TBL1X: variants seen among roughly 807,000 people sequenced by gnomAD.
The protein encoded by TBL1X is F-box-like/WD repeat-containing protein TBL1X.
Under a neutral mutation model 50.7 loss-of-function variants are expected in TBL1X, and 10 were observed. That is an observed-to-expected ratio of 0.20 (90% CI 0.12 to 0.33). TBL1X has a LOEUF of 0.33. Ranked by LOEUF, TBL1X falls within the 10% of genes least tolerant of loss-of-function variation. TBL1X has a pLI of 1.00. For missense variants in TBL1X, 340 were observed against 504.4 expected (o/e 0.67, Z 3.12); for synonymous variants, 190 against 214.7 (o/e 0.88, Z 1.01).
chrX:9,664,039 G>T (rs1360272289), intron 5 of TBL1X, among the ~76,000 whole-genome samples: 1 of 111,811 alleles, frequency 8.9e-6, no homozygotes, highest in African/African-American at 3.3e-5. Flanking sequence ...ATGCAGTGCA[G>T]AAAGGATGAC....
intron 2 of TBL1X, among the ~76,000 whole-genome samples, chrX:9,638,870 T>C (rs2040690657): frequency 9.0e-6 from 1 of 111,690 alleles, no homozygotes; most frequent in Non-Finnish European, 1.9e-5. Context: ...ATTTGGTCTC[T>C]CCAGCTCACT....
intron 5 of TBL1X, among the ~76,000 whole-genome samples, chrX:9,680,828 A>G (rs1353068612): frequency 8.9e-6 from 1 of 111,929 alleles, no homozygotes; most frequent in Non-Finnish European, 1.9e-5. Flanking sequence ...CAAGCTGATG[A>G]AAGACCTTCG....
intron 2 of TBL1X, among the ~76,000 whole-genome samples, chrX:9,515,703 G>T (rs2082078145): frequency 8.9e-6 from 1 of 112,164 alleles, no homozygotes; most frequent in African/African-American, 3.2e-5. Context: ...CCTTGCACAA[G>T]GGAGATATGA....
intron 5 of TBL1X, among the ~76,000 whole-genome samples, chrX:9,661,381 C>T (rs760662301): frequency 1.8e-5 from 2 of 111,531 alleles, no homozygotes; most frequent in African/African-American, 6.5e-5. Flanking sequence ...AAAAATTAGC[C>T]GGGTGTGGTG....
At chrX:9,647,020 G>A (rs1228760408) in intron 3 of TBL1X, among the ~76,000 whole-genome samples, 1 of 111,950 alleles carries the variant, frequency 8.9e-6, no homozygotes, top group Non-Finnish European at 1.9e-5. Context: ...AATTAAAACA[G>A]CAATTAAGAT....
At chrX:9,553,665 T>C (rs1295022623) in intron 2 of TBL1X, among the ~76,000 whole-genome samples, 3 of 111,883 alleles carry the variant, frequency 2.7e-5, no homozygotes, top group Non-Finnish European at 5.6e-5. Context: ...CGTGGTGAAA[T>C]TTGTTAGCTG....
chrX:9,499,969 A>G (rs2081991712), intron 1 of TBL1X, among the ~76,000 whole-genome samples: 1 of 104,287 alleles, frequency 9.6e-6, no homozygotes, highest in African/African-American at 3.6e-5. Context: ...CAAGAGCAAA[A>G]TCCTGTCTCC....
intron 5 of TBL1X, among the ~76,000 whole-genome samples, chrX:9,679,592 C>T (rs368266078): frequency 1.8e-5 from 2 of 112,197 alleles, no homozygotes; most frequent in African/African-American, 3.2e-5. Context: ...CTGCACCTGC[C>T]GCAGGGGCAG....
intron 1 of TBL1X, among the ~76,000 whole-genome samples, chrX:9,466,794 C>T (rs770102678): frequency 1.8e-5 from 2 of 112,253 alleles, no homozygotes; most frequent in Non-Finnish European, 3.8e-5. Flanking sequence ...TTGAGTATGA[C>T]GCGTTTATTT....
In TBL1X at chrX:9,717,153, C is replaced by G. The variant is rs142214678; in HGVS notation, c.*907C>G. 9.2e-6 allele frequency: 1 copy of G among 109,178 alleles called. No individual in the cohort carries two copies. Among genetic ancestry groups the G allele is most frequent in the African/African-American group, 3.4e-5 (1 of 29,747 alleles). The allele number at this position is 109,178 out of a possible 1,213,427, so 9.0% of individuals were successfully genotyped here. On this transcript the variant is annotated 3_prime_UTR_variant, in exon 18 of 18. Transcript: ENST00000645353. Reference sequence around the variant, plus strand: ...ATCTTAGGTCTCAAGGGCACTTTGGCGCGTAGTAAGTGCTTTATGTAAGAA... The same window carrying G: ...ATCTTAGGTCTCAAGGGCACTTTGGGGCGTAGTAAGTGCTTTATGTAAGAA...
Position 9,716,201 on chromosome X carries a change from G to T in TBL1X, c.1708-19G>T. On this transcript the variant is annotated intron_variant, in intron 17 of 17. Transcript: ENST00000645353. ...TGTATTGTCTCTCAAGATGACAGGT[G>T]CTTTATCTTTCCTTCCAGGTGTGTG... is the stretch of plus-strand genomic sequence containing the variant. 1 of 1,209,989 alleles carries T rather than the reference G, an allele frequency of 8.3e-7. No individual in the cohort carries two copies. The highest frequency in any genetic ancestry group is 1.1e-6 in the Non-Finnish European group (1 of 894,076).
intron 2 of TBL1X, among the ~76,000 whole-genome samples, chrX:9,517,646 G>A (rs145639913): frequency 0.017 from 1,881 of 112,079 alleles, 42 homozygotes; most frequent in African/African-American, 0.058. Flanking sequence ...TTTTAAAGCC[G>A]TGTGCTTTTC....
At chrX:9,550,024 C>A (rs1173588715) in intron 2 of TBL1X, among the ~76,000 whole-genome samples, 2 of 111,818 alleles carry the variant, frequency 1.8e-5, no homozygotes, top group African/African-American at 6.5e-5. Context: ...TCTGGAAATG[C>A]AGGGCACAAT....
intron 2 of TBL1X, among the ~76,000 whole-genome samples, chrX:9,520,945 A>G (rs958746547): frequency 1.8e-5 from 2 of 110,969 alleles, no homozygotes; most frequent in African/African-American, 3.3e-5. Flanking sequence ...AAAAAATACA[A>G]AAATTAGCTG....
chrX:9,498,632 C>T (rs1283045834), intron 1 of TBL1X, among the ~76,000 whole-genome samples: 1 of 112,585 alleles, frequency 8.9e-6, no homozygotes, highest in Non-Finnish European at 1.9e-5. Flanking sequence ...CTCTTGCCTT[C>T]TTCGCGAGTA....
intron 2 of TBL1X, among the ~76,000 whole-genome samples, chrX:9,537,549 A>G (rs1186395999): frequency 9.0e-6 from 1 of 111,554 alleles, no homozygotes; most frequent in Non-Finnish European, 1.9e-5. Context: ...TTGACACTCT[A>G]GGGACCTTTT....
intron 2 of TBL1X, among the ~76,000 whole-genome samples, chrX:9,521,157 T>C (rs1381725736): frequency 9.1e-6 from 1 of 110,448 alleles, no homozygotes; most frequent in Non-Finnish European, 1.9e-5. Context: ...AGGGGACGTA[T>C]TTTTTGCAGG....
At chrX:9,600,150 C>CG (rs769777765) in intron 2 of TBL1X, among the ~76,000 whole-genome samples, 146 of 111,618 alleles carry the variant, frequency 1.3e-3, no homozygotes, top group African/African-American at 4.0e-3. Flanking sequence ...TAGTCTGATC[C>CG]GGCTGCTGTA....
At chrX:9,512,472 T>C (rs2082060584) in intron 2 of TBL1X, among the ~76,000 whole-genome samples, 1 of 108,755 alleles carries the variant, frequency 9.2e-6, no homozygotes, top group Non-Finnish European at 1.9e-5. Flanking sequence ...ATTGCTCTTG[T>C]GGGCTTTCAG....
Sources: gnomAD v4.1 joint callset for allele counts (sites outside exome capture counted in the v4.1 genomes callset) on GRCh38, gnomAD v4.1.1 for gene constraint, MANE v1.5 for transcripts, NCBI Gene and HGNC (gene_info 2026-07-23, HGNC 2026-07-21) for gene names.